The following MARCHF1 variants were observed in gnomAD, a reference collection of about 807,000 sequenced individuals.
MARCHF1 encodes membrane associated ring-CH-type finger 1, also known as E3 ubiquitin-protein ligase MARCHF1.
MARCHF1 carries 40 observed loss-of-function variants against 54.2 expected under a neutral mutation model. That is an observed-to-expected ratio of 0.74 (90% CI 0.57 to 0.96). The LOEUF is 0.96. Ranked by LOEUF, MARCHF1 falls within the 40% of genes least tolerant of loss-of-function variation. The pLI is 0.00. For missense variants in MARCHF1, 586 were observed against 656.5 expected, an observed-to-expected ratio of 0.89 and a Z score of 1.17; for synonymous variants, 236 against 236.3, an observed-to-expected ratio of 1.00 and a Z score of 0.01.
At chr4:164,334,000 C>T (rs1349296206) in intron 1 of MARCHF1, among the ~76,000 whole-genome samples, 1 of 152,120 alleles carries the variant, frequency 6.6e-6, no homozygotes, top group Non-Finnish European at 1.5e-5. Context: ...TGATTCTCTC[C>T]AATTCATGAA....
At chr4:163,831,940 G>C (rs1749036958) in intron 4 of MARCHF1, among the ~76,000 whole-genome samples, 1 of 152,188 alleles carries the variant, frequency 6.6e-6, no homozygotes, top group Admixed American at 6.5e-5. Context: ...TTGTGTTATA[G>C]AGAGTGGCAG....
chr4:163,873,019 G>A (rs567364226), intron 3 of MARCHF1, among the ~76,000 whole-genome samples: 28 of 151,866 alleles, frequency 1.8e-4, no homozygotes, highest in Admixed American at 1.0e-3. Context: ...ACTCCAGCCT[G>A]GGCGACAGAG....
intron 1 of MARCHF1, among the ~76,000 whole-genome samples, chr4:164,126,592 G>A (rs542287587): frequency 2.6e-5 from 4 of 152,258 alleles, no homozygotes; most frequent in African/African-American, 7.2e-5. Context: ...TTTGAAATAC[G>A]TTGTAGAAAA....
chr4:164,045,582 G>A (rs1038769955), intron 2 of MARCHF1, among the ~76,000 whole-genome samples: 1 of 151,226 alleles, frequency 6.6e-6, no homozygotes, highest in African/African-American at 2.4e-5. Flanking sequence ...TAAGGATTAT[G>A]TGCTTCAGAT....
intron 3 of MARCHF1, among the ~76,000 whole-genome samples, chr4:163,945,928 A>G (rs1752014003): frequency 6.6e-6 from 1 of 152,110 alleles, no homozygotes; most frequent in Admixed American, 6.6e-5. Flanking sequence ...ACAGTCTCAC[A>G]GCTTCCCTAG....
intron 4 of MARCHF1, among the ~76,000 whole-genome samples, chr4:163,821,054 G>A (rs894571026): frequency 1.3e-5 from 2 of 151,910 alleles, no homozygotes; most frequent in Non-Finnish European, 2.9e-5. Context: ...ACTTCAGCTC[G>A]CACTGCACTT....
intron 3 of MARCHF1, among the ~76,000 whole-genome samples, chr4:163,858,965 A>G (rs137919281): frequency 0.01 from 1,592 of 152,236 alleles, 18 homozygotes; most frequent in South Asian, 0.052. Context: ...TAATTTCTGC[A>G]AGTAGGATGT....
At chr4:163,747,837 C>T (rs1281521679) in intron 4 of MARCHF1, among the ~76,000 whole-genome samples, 1 of 152,160 alleles carries the variant, frequency 6.6e-6, no homozygotes, top group Admixed American at 6.5e-5. Context: ...CTGGGTCTGT[C>T]CCGTGGACCC....
intron 1 of MARCHF1, chr4:164,234,802 C>CA (rs1323994272): frequency 6.6e-6 from 1 of 151,722 alleles, no homozygotes; most frequent in Non-Finnish European, 1.5e-5. Flanking sequence ...GCAGATAAGA[C>CA]AAAAAAGGGT....
chr4:163,779,414 C>T (rs954686483), intron 4 of MARCHF1, among the ~76,000 whole-genome samples: 6 of 152,158 alleles, frequency 3.9e-5, no homozygotes, highest in African/African-American at 1.4e-4. Flanking sequence ...GGTTTAATTA[C>T]TGCCTCTTGT....
intron 4 of MARCHF1, among the ~76,000 whole-genome samples, chr4:163,799,197 C>T (rs1748008949): frequency 6.6e-6 from 1 of 152,084 alleles, no homozygotes. Flanking sequence ...CTAGCAGCTC[C>T]CTATCTGGAT....
At position 164,169,266 on chromosome 4, in the gene MARCHF1, T is replaced by A. The variant is rs150378276; in HGVS notation, c.-322-57604A>T. On this transcript the variant is annotated intron_variant, in intron 1 of 9. Transcript: ENST00000514618. ...ACCTGGGGATAGACTTCCATCAGCC[T>A]ACTCAAGACCCTTGCCTTTGAGGTG... is the stretch of plus-strand genomic sequence containing the variant. Among the ~76,000 whole-genome samples the A allele has an allele frequency of 3.2e-3, 483 of 152,218 alleles. 1 individual carries two copies. The highest frequency in any genetic ancestry group is 0.011 in the African/African-American group (457 of 41,560).
intron 3 of MARCHF1, among the ~76,000 whole-genome samples, chr4:163,979,392 G>A (rs1336900160): frequency 2.0e-5 from 3 of 147,966 alleles, no homozygotes; most frequent in Non-Finnish European, 4.5e-5. Context: ...TGGTGTATAT[G>A]TGCCACATTT....
intron 1 of MARCHF1, chr4:164,196,949 A>G: frequency 6.3e-7 from 1 of 1,595,890 alleles, no homozygotes; most frequent in Non-Finnish European, 8.6e-7. Context: ...TCACAATAGG[A>G]ATTTTTCAAA....
At chr4:163,567,829 T>A (rs969048895) in intron 8 of MARCHF1, among the ~76,000 whole-genome samples, 4 of 152,156 alleles carry the variant, frequency 2.6e-5, no homozygotes, top group Admixed American at 2.0e-4. Flanking sequence ...ATTTTTTTTT[T>A]ATTTTTATTT....
chr4:163,867,698 G>C (rs950999719), intron 3 of MARCHF1, among the ~76,000 whole-genome samples: 3 of 150,870 alleles, frequency 2.0e-5, no homozygotes, highest in African/African-American at 7.3e-5. Context: ...CAAATTCCAA[G>C]AATATTAATA....
In MARCHF1 at chr4:163,851,308, C is replaced by T. The variant is rs11934453; in HGVS notation, c.111+2713G>A. ...GAGCTTATTCAAAGATCCTCTCTGACCTCTAGATTGGGAGACTTTATAATG... is the reference window on the plus strand; with the variant it reads ...GAGCTTATTCAAAGATCCTCTCTGATCTCTAGATTGGGAGACTTTATAATG... On this transcript the variant is annotated intron_variant, in intron 4 of 9. Transcript: ENST00000514618. 4.8e-3 allele frequency among the ~76,000 whole-genome samples: 729 copies of T among 152,246 alleles called. 4 individuals carry two copies. The highest frequency in any genetic ancestry group is 0.017 in the African/African-American group (703 of 41,556).
At chr4:163,681,890 G>A (rs113838941) in intron 5 of MARCHF1, among the ~76,000 whole-genome samples, 3,700 of 152,290 alleles carry the variant, frequency 0.024, 163 homozygotes, top group African/African-American at 0.083. Context: ...CTGGGTAATA[G>A]GCAGAGGCTG....
Position 164,303,886 on chromosome 4 carries a change from G to A in MARCHF1, c.-323+79984C>T, listed in dbSNP as rs114634679. 1.9e-3 allele frequency among the ~76,000 whole-genome samples: 294 copies of A among 152,280 alleles called. 1 individual carries two copies. The highest frequency in any genetic ancestry group is 7.0e-3 in the African/African-American group (289 of 41,564). ...TCTTATTTGCTATTAGGAAAGAGAA[G>A]TTATAGCCCCTATGGGCATTATTGG... On this transcript the variant is annotated intron_variant, in intron 1 of 9. Transcript: ENST00000514618.
Sources: allele counts gnomAD v4.1 joint callset (sites outside exome capture counted in the v4.1 genomes callset), GRCh38; gene constraint gnomAD v4.1.1; transcripts MANE v1.5; gene names NCBI Gene and HGNC (gene_info 2026-07-23, HGNC 2026-07-21).